CACNA1D: variants seen among roughly 807,000 people sequenced by gnomAD.
The protein encoded by CACNA1D is calcium voltage-gated channel subunit alpha1 D.
In CACNA1D, 55 loss-of-function variants were observed where a neutral mutation model predicts 257.1. The observed-to-expected ratio is 0.21, with a 90% CI of 0.17 to 0.27. CACNA1D has a LOEUF of 0.27. Ranked by LOEUF, CACNA1D falls within the 10% of genes least tolerant of loss-of-function variation. The pLI, the probability that CACNA1D is intolerant of heterozygous loss-of-function variation, is 1.00. For synonymous variants in CACNA1D, 980 were observed against 1,014.9 expected (o/e 0.97, Z 0.65); for missense variants, 1,876 against 2,784.0 (o/e 0.67, Z 7.34).
intron 20 of CACNA1D, among the ~76,000 whole-genome samples, chr3:53,738,053 T>C (rs982637401): frequency 6.6e-6 from 1 of 152,162 alleles, no homozygotes; most frequent in African/African-American, 2.4e-5. Context: ...GCCTAGATAT[T>C]ATCGTGCAGT....
At chr3:53,601,813 C>T (rs1386453876) in intron 3 of CACNA1D, among the ~76,000 whole-genome samples, 6 of 152,204 alleles carry the variant, frequency 3.9e-5, no homozygotes, top group East Asian at 1.9e-4. Flanking sequence ...TGGGTCCAAG[C>T]GATTCCCCTG....
rs1207707977 is a variant in CACNA1D, at chr3:53,723,843, G to A, written c.1944G>A (p.Lys648=). ...TGGCATCCTTATTAAACTCCATGAA[G>A]TCCATCGCTTCGCTGTTGCTTCTGC... ...NLVASLLNSM[K]SIASLLLLLF... is the part of the protein sequence containing the mutation. Residue 648 remains lysine, a synonymous_variant, in exon 14 of 48, where the codon AAG becomes AAA. Coordinates refer to ENST00000350061, the MANE Select transcript of CACNA1D (RefSeq NM_001128840.3). The surrounding 1 kb of genome is among the most constrained non-coding windows in gnomAD (Gnocchi z 5.6). The A allele has an allele frequency of 6.2e-7, 1 of 1,614,182 alleles. No individual in the cohort carries two copies. The highest frequency in any genetic ancestry group is 1.7e-5 in the Admixed American group (1 of 60,022).
At chr3:53,684,633 A>G (rs1349408119) in intron 8 of CACNA1D, among the ~76,000 whole-genome samples, 2 of 99,928 alleles carry the variant, frequency 2.0e-5, no homozygotes, top group Non-Finnish European at 4.5e-5. Context: ...AAAAAAAAAA[A>G]AAAAAAAAAA....
At chr3:53,642,067 C>A (rs547622118) in intron 3 of CACNA1D, among the ~76,000 whole-genome samples, 1 of 152,224 alleles carries the variant, frequency 6.6e-6, no homozygotes, top group East Asian at 1.9e-4. Flanking sequence ...AACTGAAAAG[C>A]CCAAATGGGG....
intron 3 of CACNA1D, among the ~76,000 whole-genome samples, chr3:53,623,335 G>GT (rs1404749266): frequency 2.6e-5 from 4 of 152,216 alleles, no homozygotes; most frequent in Non-Finnish European, 5.9e-5. Context: ...ATGTGTCAGG[G>GT]TTTAGGGGTT....
chr3:53,520,905 T>TTTCTTTC lies in CACNA1D; in HGVS notation c.483+19187_483+19188insCTTTCTT, dbSNP rs1342727651. Among the ~76,000 whole-genome samples the TTTCTTTC allele has an allele frequency of 6.4e-4, 80 of 125,686 alleles. 1 individual carries two copies. Among genetic ancestry groups the TTTCTTTC allele is most frequent in the East Asian group, 2.3e-3 (10 of 4,312 alleles). 82.5% of individuals were successfully genotyped at this position (125,686 alleles called of 152,430 possible). The stretch of plus-strand genomic sequence containing the variant: ...TTCTTTCTTTCTTTCTTTTCTTTTC[T>TTTCTTTC]TTTCTTTTCTTTTTCTTTCTTTTCT... On this transcript the variant is annotated intron_variant, in intron 3 of 47. Transcript: ENST00000350061.
chr3:53,607,647 TAA>T (rs2093529609), intron 3 of CACNA1D, among the ~76,000 whole-genome samples: 2 of 152,334 alleles, frequency 1.3e-5, no homozygotes, highest in Admixed American at 6.5e-5. Flanking sequence ...CCCCAGAGAA[TAA>T]GAGTCCAGAC....
intron 3 of CACNA1D, among the ~76,000 whole-genome samples, chr3:53,640,229 C>T (rs1048615186): frequency 2.0e-4 from 30 of 152,098 alleles, no homozygotes; most frequent in African/African-American, 6.3e-4. Flanking sequence ...CATAGATTCC[C>T]AGGGAGACAG....
chr3:53,766,900 G>A (rs530582133), intron 30 of CACNA1D, among the ~76,000 whole-genome samples: 1 of 152,308 alleles, frequency 6.6e-6, no homozygotes, highest in East Asian at 1.9e-4. Context: ...GCTACCTAGT[G>A]AAGAGTCCTT....
Position 53,735,465 on chromosome 3 carries a change from G to T in CACNA1D, c.2713G>T (p.Ala905Ser), listed in dbSNP as rs764701041. ...CATGCTGAGCAGCGCTGCCCTGGCCGCAGAGGACCCCATCCGCAGCCACTC... is the reference window on the plus strand; with the variant it reads ...CATGCTGAGCAGCGCTGCCCTGGCCTCAGAGGACCCCATCCGCAGCCACTC... ...FIMLSSAALA[A>S]EDPIRSHSFR... Residue 905 changes from alanine (A) to serine (S), a missense_variant, in exon 20 of 48, where the codon GCA becomes TCA. Ala to Ser is a moderately conservative substitution (Grantham distance 99, BLOSUM62 1). Around this residue, in one of 10 missense-constraint regions of CACNA1D, gnomAD observed 271 missense variants for 425.5 expected, o/e 0.64. Coordinates refer to ENST00000350061, the MANE Select transcript of CACNA1D (RefSeq NM_001128840.3). 6.2e-7 allele frequency: 1 copy of T among 1,613,740 alleles called. No individual in the cohort carries two copies.
At chr3:53,559,851 A>G (rs1184268263) in intron 3 of CACNA1D, among the ~76,000 whole-genome samples, 1 of 152,100 alleles carries the variant, frequency 6.6e-6, no homozygotes, top group East Asian at 1.9e-4. Flanking sequence ...CAAGCGCTTG[A>G]AGGTCAGGGA....
intron 9 of CACNA1D, among the ~76,000 whole-genome samples, chr3:53,707,381 G>C (rs1242712825): frequency 1.3e-5 from 2 of 152,090 alleles, no homozygotes; most frequent in Admixed American, 1.3e-4. Context: ...TGCTATCAGT[G>C]GCTGAATATC....
intron 44 of CACNA1D, among the ~76,000 whole-genome samples, 167 bp downstream of exon 44, chr3:53,803,739 G>A (rs1035277470): frequency 3.9e-5 from 6 of 152,228 alleles, no homozygotes; most frequent in Non-Finnish European, 5.9e-5. Flanking sequence ...AAAGAGAGCC[G>A]CAGAGAGGCA....
chr3:53,676,611 T>G (rs1000255305), intron 8 of CACNA1D, among the ~76,000 whole-genome samples: 5 of 152,266 alleles, frequency 3.3e-5, no homozygotes, highest in Non-Finnish European at 7.3e-5. Context: ...TGGTGCTGTA[T>G]GTCTTCAAGT....
At chr3:53,681,433 C>A (rs1318329720) in intron 8 of CACNA1D, among the ~76,000 whole-genome samples, 4 of 152,128 alleles carry the variant, frequency 2.6e-5, no homozygotes, top group African/African-American at 9.7e-5. Context: ...ATCCTTTTTT[C>A]TCCCTCTCTC....
chr3:53,565,574 A>T (rs1024318830), intron 3 of CACNA1D, among the ~76,000 whole-genome samples: 9 of 152,224 alleles, frequency 5.9e-5, no homozygotes, highest in Non-Finnish European at 7.4e-5. Flanking sequence ...TCAGTCTGGT[A>T]GATTACTAGT....
intron 3 of CACNA1D, among the ~76,000 whole-genome samples, chr3:53,521,020 C>CT (rs1179822339): frequency 7.5e-6 from 1 of 133,264 alleles, no homozygotes; most frequent in Non-Finnish European, 1.6e-5. Context: ...TCTTTCTTTC[C>CT]TTTTTTCCTC....
chr3:53,496,521 G>C (rs1218221603), intron 1 of CACNA1D, among the ~76,000 whole-genome samples: 1 of 152,230 alleles, frequency 6.6e-6, no homozygotes, highest in African/African-American at 2.4e-5. Flanking sequence ...TGGAGGAAAT[G>C]AGTCCCAAGC....
chr3:53,798,304 TGTGC>T (rs1190428422), intron 40 of CACNA1D, among the ~76,000 whole-genome samples: 4 of 103,342 alleles, frequency 3.9e-5, no homozygotes, highest in Admixed American at 3.4e-4. Context: ...TGTGTGTATG[TGTGC>T]GTGTGTGTGT....
Sources: gnomAD v4.1 joint callset for allele counts (sites outside exome capture counted in the v4.1 genomes callset) on GRCh38, gnomAD v4.1.1 for gene constraint, gnomAD v4.1.1 regional missense constraint, Gnocchi (gnomAD v3.1) non-coding constraint, MANE v1.5 for transcripts, NCBI Gene and HGNC (gene_info 2026-07-23, HGNC 2026-07-21) for gene names.